Variants in CHST1 observed in about 807,000 individuals in gnomAD.
The protein encoded by CHST1 is carbohydrate sulfotransferase 1.
In CHST1, 10 loss-of-function variants were observed where a neutral mutation model predicts 22.5. That is an observed-to-expected ratio of 0.44 (90% CI 0.27 to 0.75). The LOEUF (loss-of-function observed/expected upper bound fraction) is 0.75, where lower values mean the gene tolerates loss of function less well. CHST1 is among the 30% of genes least tolerant of loss of function. The pLI is 0.15. For synonymous variants in CHST1, 267 were observed against 264.5 expected, an observed-to-expected ratio of 1.01 and a Z score of -0.09; for missense variants, 439 against 576.1, an observed-to-expected ratio of 0.76 and a Z score of 2.44.
chr11:45,662,192 C>T (rs1196067225), intron 1 of CHST1, among the ~76,000 whole-genome samples: 1 of 152,194 alleles, frequency 6.6e-6, no homozygotes, highest in Admixed American at 6.5e-5. Flanking sequence ...CTGCCCCACC[C>T]CAACCCCTTT....
In CHST1 at chr11:45,649,292, T is replaced by C. The variant is rs1453022944; in HGVS notation, c.*396A>G. On this transcript the variant is annotated 3_prime_UTR_variant, in exon 4 of 4. Coordinates refer to ENST00000308064, the MANE Select transcript of CHST1 (RefSeq NM_003654.6). Reference sequence around the variant, plus strand: ...CTTGTTTGTATCCTCTTACCTTGAATAGTAAGACAGTGCAAAAACTAGATA... The same window carrying C: ...CTTGTTTGTATCCTCTTACCTTGAACAGTAAGACAGTGCAAAAACTAGATA... The C allele has an allele frequency of 5.0e-6, 1 of 201,288 alleles. No homozygotes were observed. The highest frequency in any genetic ancestry group is 1.0e-5 in the Non-Finnish European group (1 of 99,990). 12.5% of individuals were successfully genotyped at this position (201,288 alleles called of 1,614,324 possible). A position where few individuals can be genotyped will look rare whatever the true frequency, so the allele number is the denominator to read the frequency against.
intron 1 of CHST1, among the ~76,000 whole-genome samples, chr11:45,654,465 C>G (rs1187587712): frequency 6.6e-6 from 1 of 152,244 alleles, no homozygotes; most frequent in Non-Finnish European, 1.5e-5. Context: ...GAAATGTCCC[C>G]GCTCTCCCAG....
At chr11:45,663,154 G>A (rs768942217) in intron 1 of CHST1, among the ~76,000 whole-genome samples, 12 of 152,094 alleles carry the variant, frequency 7.9e-5, no homozygotes, top group Non-Finnish European at 1.6e-4. Context: ...GATCCACAGC[G>A]GGCAAGGGAG....
intron 1 of CHST1, among the ~76,000 whole-genome samples, chr11:45,663,716 C>G (rs796659929): frequency 1.3e-5 from 2 of 151,902 alleles, no homozygotes; most frequent in South Asian, 4.2e-4. Flanking sequence ...GGGCTGCTCA[C>G]CGCCAGGATG....
chr11:45,654,887 A>G (rs1852043433), intron 1 of CHST1, among the ~76,000 whole-genome samples: 1 of 152,098 alleles, frequency 6.6e-6, no homozygotes, highest in Admixed American at 6.5e-5. Context: ...CACAGAGCTC[A>G]CCCCCTGAAC....
rs761434923 is a variant in CHST1, at chr11:45,650,816, C to G, written c.108G>C (p.Gly36=). The G allele has an allele frequency of 2.4e-5, 39 of 1,611,230 alleles. No homozygotes were observed. The South Asian group carries it at 4.3e-4, about 18-fold the overall frequency. Residue 36 remains glycine, a synonymous_variant, in exon 4 of 4, where the codon GGG becomes GGC. Coordinates refer to ENST00000308064, the MANE Select transcript of CHST1 (RefSeq NM_003654.6). ...FTAKSFHTCP[G]LAEAGLAERL... ...GCTCGGCCAGCCCGGCCTCTGCCAG[C>G]CCGGGGCAGGTGTGAAAGGACTTGG...
At chr11:45,658,738 G>A (rs1461083569) in intron 1 of CHST1, among the ~76,000 whole-genome samples, 1 of 152,100 alleles carries the variant, frequency 6.6e-6, no homozygotes, top group African/African-American at 2.4e-5. Flanking sequence ...AGCCTGGCTT[G>A]CGGTAGGCGG....
At chr11:45,652,935 T>C (rs1473168758) in intron 1 of CHST1, among the ~76,000 whole-genome samples, 2 of 152,238 alleles carry the variant, frequency 1.3e-5, no homozygotes, top group African/African-American at 4.8e-5. Flanking sequence ...CTTAAACATA[T>C]TTGGCCTGCA....
chr11:45,656,229 C>T (rs549358247), intron 1 of CHST1, among the ~76,000 whole-genome samples: 5 of 152,290 alleles, frequency 3.3e-5, no homozygotes, highest in South Asian at 4.2e-4. Flanking sequence ...AGAAGTTTCC[C>T]GAACCTCTGA....
At chr11:45,664,856 C>G (rs1852177598) in intron 1 of CHST1, among the ~76,000 whole-genome samples, 1 of 152,202 alleles carries the variant, frequency 6.6e-6, no homozygotes, top group South Asian at 2.1e-4. Flanking sequence ...GACGGTGAGC[C>G]CGGAGCAGCC....
At position 45,649,463 on chromosome 11, in the gene CHST1, GGC is replaced by G; in HGVS notation, c.*223_*224del. 4 of 548,092 alleles carry G rather than the reference GGC, an allele frequency of 7.3e-6. No homozygotes were observed. The highest frequency in any genetic ancestry group is 3.9e-5 in the African/African-American group (2 of 51,696). The allele number at this position is 548,092 out of a possible 1,614,324, so 34.0% of individuals were successfully genotyped here. The stretch of plus-strand genomic sequence containing the variant: ...CATGTGTCTGAATGGGGGGGGGGGG[GGC>G]GGGACCCTACTTCAGGCGCCCTCTG... On this transcript the variant is annotated 3_prime_UTR_variant, in exon 4 of 4. Transcript: ENST00000308064.
chr11:45,651,191 A>G, intron 3 of CHST1: 1 of 367,338 alleles, frequency 2.7e-6, no homozygotes, highest in Non-Finnish European at 4.9e-6. Context: ...CCAGGATTTA[A>G]CCTGCGGACA....
rs1277892117 is a variant in CHST1, at chr11:45,650,196, C to T, written c.728G>A (p.Arg243His). Residue 243 changes from arginine to histidine, a missense_variant, in exon 4 of 4, where the codon CGC (arginine) becomes CAC (histidine). Arg to His is a conservative substitution (Grantham distance 29). Coordinates refer to ENST00000308064, the MANE Select transcript of CHST1 (RefSeq NM_003654.6). ...GTACGTGTCGCGGAAGGTCTCGCTG[C>T]GCGAAGCCAGAATGCCGCGGGGGTC... is the stretch of plus-strand genomic sequence containing the variant. ...VRDPRGILASRSETFRDTYRL... is the reference protein window; with the variant it reads ...VRDPRGILASHSETFRDTYRL... 6.2e-7 allele frequency: 1 copy of T among 1,611,808 alleles called. No individual in the cohort carries two copies. Among genetic ancestry groups the T allele is most frequent in the Non-Finnish European group, 8.5e-7 (1 of 1,179,996 alleles).
chr11:45,650,186 G>T lies in CHST1; in HGVS notation c.738C>A (p.Thr246=), dbSNP rs1300783576. Residue 246 remains threonine (T), a synonymous_variant, in exon 4 of 4, where the codon ACC becomes ACA. Coordinates refer to ENST00000308064, the MANE Select transcript of CHST1 (RefSeq NM_003654.6). ...GCCAGAGCCGGTACGTGTCGCGGAA[G>T]GTCTCGCTGCGCGAAGCCAGAATGC... ...PRGILASRSE[T]FRDTYRLWRL... 1.2e-6 allele frequency: 2 copies of T among 1,612,570 alleles called. No homozygotes were observed. The highest frequency in any genetic ancestry group is 1.1e-5 in the South Asian group (1 of 91,084).
intron 1 of CHST1, among the ~76,000 whole-genome samples, chr11:45,663,778 T>G (rs1824117570): frequency 6.6e-6 from 1 of 151,970 alleles, no homozygotes; most frequent in South Asian, 2.1e-4. Context: ...CCTGGCCTCC[T>G]GCAGGGGTTC....
chr11:45,652,063 C>G lies in CHST1; in HGVS notation c.-113G>C, dbSNP rs770719039. ...CTCCAGGCCCAGCTGGCAGTCCCAG[C>G]CAGTGCGGCAGCCCTGTGGCCAGCA... is the stretch of plus-strand genomic sequence containing the variant. On this transcript the variant is annotated 5_prime_UTR_variant, in exon 3 of 4. Coordinates refer to ENST00000308064, the MANE Select transcript of CHST1 (RefSeq NM_003654.6). 4 of 152,394 alleles carry G rather than the reference C, an allele frequency of 2.6e-5. No homozygotes were observed. Among genetic ancestry groups the G allele is most frequent in the Non-Finnish European group, 5.9e-5 (4 of 68,170 alleles). The allele number at this position is 152,394 out of a possible 1,614,324, so 9.4% of individuals were successfully genotyped here.
rs757992892 is a variant in CHST1, at chr11:45,650,757, T to C, written c.167A>G (p.Asn56Ser). 2 of 1,613,840 alleles carry C rather than the reference T, an allele frequency of 1.2e-6. No homozygotes were observed. Among genetic ancestry groups the C allele is most frequent in the South Asian group, 1.1e-5 (1 of 91,068 alleles). Residue 56 changes from asparagine to serine, a missense_variant, in exon 4 of 4, where the codon AAC (asparagine) becomes AGC (serine). Physicochemically the swap from Asn to Ser is conservative, Grantham distance 46. Coordinates refer to ENST00000308064, the MANE Select transcript of CHST1 (RefSeq NM_003654.6). ...LCEESPTFAY[N>S]LSRKTHILIL... Reference sequence around the variant, plus strand: ...GAGGATGTGGGTCTTGCGGGAGAGGTTGTAGGCGAAGGTGGGGCTCTCCTC... The same window carrying C: ...GAGGATGTGGGTCTTGCGGGAGAGGCTGTAGGCGAAGGTGGGGCTCTCCTC...
chr11:45,649,903 TG>T lies in CHST1; in HGVS notation c.1020del (p.Thr341ProfsTer54). 1 of 1,611,928 alleles carries T rather than the reference TG, an allele frequency of 6.2e-7. No homozygotes were observed. On this transcript the variant is annotated frameshift_variant, in exon 4 of 4. Coordinates refer to ENST00000308064, the MANE Select transcript of CHST1 (RefSeq NM_003654.6). LOFTEE classifies it high-confidence loss of function. ...RWIQNNTRGD[P>X]TLGKHKYGTV... ...GTGCCGTATTTGTGCTTGCCCAGGG[TG>T]GGGTCGCCCCGCGTGTTGTTCTGGA...
intron 1 of CHST1, among the ~76,000 whole-genome samples, chr11:45,663,020 CAAGT>C (rs1369316685): frequency 6.6e-6 from 1 of 152,234 alleles, no homozygotes; most frequent in Non-Finnish European, 1.5e-5. Context: ...GTCCTCTGAA[CAAGT>C]CTGTTTCCAT....
Sources: allele counts gnomAD v4.1 joint callset (sites outside exome capture counted in the v4.1 genomes callset), GRCh38; gene constraint gnomAD v4.1.1; transcripts MANE v1.5; gene names NCBI Gene and HGNC (gene_info 2026-07-23, HGNC 2026-07-21).